RANBP2: variants seen among roughly 807,000 people sequenced by gnomAD.
RANBP2 encodes the protein E3 SUMO-protein ligase RanBP2.
Under a neutral mutation model 303.6 loss-of-function variants are expected in RANBP2, and 57 were observed. That is an observed-to-expected ratio of 0.19 (90% CI 0.15 to 0.23). The LOEUF (loss-of-function observed/expected upper bound fraction) is 0.23, where lower values mean the gene tolerates loss of function less well. Among genes scored for constraint, RANBP2 ranks in the 10% least tolerant of loss-of-function variants. The pLI is 1.00. For synonymous variants in RANBP2, 1,167 were observed against 1,301.5 expected (o/e 0.90, Z 2.23); for missense variants, 3,138 against 3,780.8 (o/e 0.83, Z 4.46).
chr2:109,185,349 T>C, the RANBP2 span, among the ~76,000 whole-genome samples: 5 of 152,172 alleles, frequency 3.3e-5, no homozygotes, highest in African/African-American at 1.2e-4. Flanking sequence ...AAAGATTGGA[T>C]TGTTAGAGCA....
chr2:109,031,627 C>G, the RANBP2 span, among the ~76,000 whole-genome samples: 1 of 152,170 alleles, frequency 6.6e-6, no homozygotes, highest in Non-Finnish European at 1.5e-5. Flanking sequence ...TGTGCACCCC[C>G]TGCAGCTCGG....
At chr2:109,129,371 TCG>T in the RANBP2 span, 14 of 873,796 alleles carry the variant, frequency 1.6e-5, no homozygotes, top group South Asian at 3.0e-5. Context: ...CGCAGGCCGG[TCG>T]GTGAGCCACT....
At chr2:109,527,086 C>T in the RANBP2 span, among the ~76,000 whole-genome samples, 1 of 152,178 alleles carries the variant, frequency 6.6e-6, no homozygotes, top group African/African-American at 2.4e-5. Flanking sequence ...ACAATAGCTA[C>T]CAGATGACCC....
intron 18 of RANBP2, 119 bp downstream of exon 18, chr2:108,758,667 C>G: frequency 6.5e-7 from 1 of 1,545,414 alleles, no homozygotes; most frequent in South Asian, 1.2e-5. Context: ...ATGTCAACGT[C>G]TGTTTATATG....
the RANBP2 span, among the ~76,000 whole-genome samples, chr2:109,654,805 T>C: frequency 6.6e-6 from 1 of 152,212 alleles, no homozygotes; most frequent in East Asian, 1.9e-4. Context: ...GGCACACAGT[T>C]TGCACTTGAC....
the RANBP2 span, among the ~76,000 whole-genome samples, chr2:109,417,131 T>C: frequency 6.6e-6 from 1 of 152,186 alleles, no homozygotes; most frequent in Non-Finnish European, 1.5e-5. Flanking sequence ...ACACATTTCT[T>C]CAGTGGCCAC....
chr2:109,504,104 C>T, the RANBP2 span: 27 of 152,368 alleles, frequency 1.8e-4, no homozygotes, highest in African/African-American at 6.3e-4. Flanking sequence ...CTGCAGCCTT[C>T]ATGATGATGT....
At chr2:109,434,825 A>G in the RANBP2 span, among the ~76,000 whole-genome samples, 1 of 152,252 alleles carries the variant, frequency 6.6e-6, no homozygotes, top group Non-Finnish European at 1.5e-5. Flanking sequence ...TACCATGTTC[A>G]TATACGAGGT....
the RANBP2 span, among the ~76,000 whole-genome samples, chr2:109,437,715 G>T: frequency 6.6e-5 from 10 of 151,336 alleles, no homozygotes; most frequent in South Asian, 2.1e-3. Context: ...ATGGCAGCTG[G>T]AGAAACTTAA....
the RANBP2 span, among the ~76,000 whole-genome samples, chr2:109,123,116 A>C: frequency 5.9e-5 from 9 of 152,098 alleles, no homozygotes; most frequent in Non-Finnish European, 1.3e-4. Context: ...AGGGAGGAGG[A>C]GGCATCAGAG....
At chr2:109,758,438 A>G in the RANBP2 span, among the ~76,000 whole-genome samples, 1 of 136,136 alleles carries the variant, frequency 7.3e-6, no homozygotes, top group East Asian at 2.3e-4. Flanking sequence ...CCTCACAATA[A>G]GTGTGCTATT....
At chr2:109,027,907 T>G in the RANBP2 span, among the ~76,000 whole-genome samples, 1 of 152,208 alleles carries the variant, frequency 6.6e-6, no homozygotes. Flanking sequence ...GAGGGAGCAC[T>G]GGGCTCTGCC....
the RANBP2 span, among the ~76,000 whole-genome samples, chr2:108,837,313 T>C: frequency 7.9e-5 from 12 of 152,246 alleles, no homozygotes; most frequent in Non-Finnish European, 1.5e-4. Context: ...TTGTCCTTCA[T>C]TTTGTTAAAA....
chr2:109,232,538 T>C, the RANBP2 span, among the ~76,000 whole-genome samples: 22,259 of 152,148 alleles, frequency 0.15, 3,103 homozygotes, highest in African/African-American at 0.35. Context: ...TCTCCCATGC[T>C]GTAATGTTCA....
the RANBP2 span, among the ~76,000 whole-genome samples, chr2:109,441,063 A>G: frequency 6.6e-6 from 1 of 151,684 alleles, no homozygotes; most frequent in African/African-American, 2.4e-5. Flanking sequence ...AACAACACTC[A>G]AGAGTCAAAC....
chr2:109,174,043 G>A, the RANBP2 span, among the ~76,000 whole-genome samples: 2 of 152,236 alleles, frequency 1.3e-5, no homozygotes, highest in East Asian at 1.9e-4. Context: ...ACAGCAGTGC[G>A]GTTTGGTGGC....
the RANBP2 span, among the ~76,000 whole-genome samples, chr2:109,730,045 CA>C: frequency 7.1e-3 from 1,087 of 152,300 alleles, 7 homozygotes; most frequent in Non-Finnish European, 0.012. Flanking sequence ...ATGATCCAAT[CA>C]CCTTTCTCCC....
At chr2:109,142,468 C>T in the RANBP2 span, among the ~76,000 whole-genome samples, 1 of 152,232 alleles carries the variant, frequency 6.6e-6, no homozygotes, top group African/African-American at 2.4e-5. Flanking sequence ...CCCCAGCACC[C>T]ACACAGGCAC....
At chr2:109,534,147 T>C in the RANBP2 span, among the ~76,000 whole-genome samples, 1 of 152,204 alleles carries the variant, frequency 6.6e-6, no homozygotes, top group Non-Finnish European at 1.5e-5. Flanking sequence ...TGGACGAGCC[T>C]CTGCCAGTGT....
Sources: gnomAD v4.1 joint callset for allele counts (sites outside exome capture counted in the v4.1 genomes callset) on GRCh38, gnomAD v4.1.1 for gene constraint, MANE v1.5 for transcripts, NCBI Gene and HGNC (gene_info 2026-07-23, HGNC 2026-07-21) for gene names.